The following GRID1 variants were observed in gnomAD, a reference collection of about 807,000 sequenced individuals.
GRID1 encodes glutamate receptor ionotropic, delta-1.
Under a neutral mutation model 98.0 loss-of-function variants are expected in GRID1, and 28 were observed. The ratio of observed to expected loss-of-function variants is 0.29; its 90% CI spans 0.21 to 0.39. The LOEUF is 0.39. GRID1 is among the 10% of genes least tolerant of loss of function. The pLI, the probability that GRID1 is intolerant of heterozygous loss-of-function variation, is 1.00. For synonymous variants in GRID1, 553 were observed against 538.5 expected, an observed-to-expected ratio of 1.03 and a Z score of -0.37; for missense variants, 1,111 against 1,340.5, an observed-to-expected ratio of 0.83 and a Z score of 2.67.
At chr10:86,188,823 T>C (rs1845761352) in intron 3 of GRID1, among the ~76,000 whole-genome samples, 1 of 152,120 alleles carries the variant, frequency 6.6e-6, no homozygotes, top group Non-Finnish European at 1.5e-5. Flanking sequence ...TATCTCTGCT[T>C]GATAGATGAA....
At chr10:85,754,393 T>C (rs887293156) in intron 8 of GRID1, among the ~76,000 whole-genome samples, 1 of 152,046 alleles carries the variant, frequency 6.6e-6, no homozygotes, top group African/African-American at 2.4e-5. Flanking sequence ...GGGAGAAAGA[T>C]AGAATAAAAG....
rs1022033367 is a variant in GRID1, at chr10:85,912,447, C to A, written c.780+3739G>T. On this transcript the variant is annotated intron_variant, in intron 5 of 15. Transcript: ENST00000327946. Reference sequence around the variant, plus strand: ...CTGTAATACGTAGCACCAATACTCACCAGAAAGAAAAGAGGGTAGATGTAA... The same window carrying A: ...CTGTAATACGTAGCACCAATACTCAACAGAAAGAAAAGAGGGTAGATGTAA... Among the ~76,000 whole-genome samples the A allele has an allele frequency of 2.6e-5, 4 of 152,128 alleles. No homozygotes were observed. In the East Asian group the frequency reaches 7.7e-4, roughly 29 times the overall value.
At chr10:86,218,531 A>C (rs1846208250) in intron 2 of GRID1, among the ~76,000 whole-genome samples, 1 of 152,180 alleles carries the variant, frequency 6.6e-6, no homozygotes. Flanking sequence ...CATAGCCAGC[A>C]GACTTCCCAG....
At chr10:85,910,530 C>T (rs1261535150) in intron 5 of GRID1, among the ~76,000 whole-genome samples, 1 of 152,214 alleles carries the variant, frequency 6.6e-6, no homozygotes, top group African/African-American at 2.4e-5. Flanking sequence ...TCACTGAGTA[C>T]TCGTTGGTGA....
At position 86,080,289 on chromosome 10, in the gene GRID1, G is replaced by A. The variant is rs551190809; in HGVS notation, c.726+58530C>T. 7.9e-5 allele frequency among the ~76,000 whole-genome samples: 12 copies of A among 151,240 alleles called. No individual in the cohort carries two copies. The South Asian group carries it at 1.0e-3, about 13-fold the overall frequency. On this transcript the variant is annotated intron_variant, in intron 4 of 15. Coordinates refer to ENST00000327946, the MANE Select transcript of GRID1 (RefSeq NM_017551.3). Reference sequence around the variant, plus strand: ...GCAGAGGTTGCAGTGAGCCAAGATCGTGCCACTGCACTCCAGCCTGGGCAA... The same window carrying A: ...GCAGAGGTTGCAGTGAGCCAAGATCATGCCACTGCACTCCAGCCTGGGCAA...
intron 15 of GRID1, among the ~76,000 whole-genome samples, chr10:85,610,985 C>T (rs779472681): frequency 2.0e-5 from 3 of 152,184 alleles, no homozygotes. Flanking sequence ...GGAAGTCCCA[C>T]ATTCTGGAAG....
intron 8 of GRID1, among the ~76,000 whole-genome samples, chr10:85,758,648 C>T (rs1424134013): frequency 4.6e-5 from 7 of 152,166 alleles, no homozygotes. Context: ...GCAGGTATAG[C>T]CCTGCCCAAA....
rs3812644 is a variant in GRID1 at position 85,729,561 on chromosome 10, G to C, written c.1287C>G (p.Pro429=). 46,131 of 1,612,012 alleles carry C rather than the reference G, an allele frequency of 0.029. 1,408 individuals are homozygous for C. Among genetic ancestry groups the C allele is most frequent in the African/African-American group, 0.15 (11,239 of 74,786 alleles). ...TCAATCCTTGGAGGCGGCTGCCCAT[G>C]GGCCTCTCTTGCAAGCTGCCATTCA... ...KGLNGSLQER[P]MGSRLQGLTL... The change falls in exon 9 of 16, where the codon CCC becomes CCG. Residue 429 remains proline (P), a synonymous_variant. Coordinates refer to ENST00000327946, the MANE Select transcript of GRID1 (RefSeq NM_017551.3).
intron 4 of GRID1, among the ~76,000 whole-genome samples, chr10:86,004,423 G>GT (rs1428271065): frequency 2.6e-5 from 4 of 152,188 alleles, no homozygotes; most frequent in African/African-American, 9.7e-5. Flanking sequence ...CATTCTGGCT[G>GT]TTTCTGTGAG....
intron 4 of GRID1, among the ~76,000 whole-genome samples, chr10:85,992,954 T>TA (rs1010469004): frequency 1.3e-5 from 2 of 152,018 alleles, no homozygotes; most frequent in African/African-American, 2.4e-5. Context: ...ACCCTGTCTC[T>TA]AAAAAATAAC....
At chr10:85,634,998 GAAAAAAAAAAAAAAAAAAA>G (rs140144576) in intron 13 of GRID1, among the ~76,000 whole-genome samples, 440 of 34,998 alleles carry the variant, frequency 0.013, 7 homozygotes, top group African/African-American at 0.03. Flanking sequence ...GAGGAAATCT[GAAAAAAAAAAAAAAAAAAA>G]AAAAAAAAAA....
intron 2 of GRID1, among the ~76,000 whole-genome samples, chr10:86,252,905 A>G (rs1393398490): frequency 1.3e-5 from 2 of 152,238 alleles, no homozygotes; most frequent in African/African-American, 4.8e-5. Flanking sequence ...CACATCTTTC[A>G]TCCAGAAAAT....
chr10:86,325,552 A>C (rs1848036998), intron 2 of GRID1, among the ~76,000 whole-genome samples: 1 of 152,252 alleles, frequency 6.6e-6, no homozygotes, highest in Admixed American at 6.5e-5. Flanking sequence ...GCATTAATGA[A>C]GTCCAATGCA....
chr10:85,638,585 T>C (rs1000867348), intron 13 of GRID1, among the ~76,000 whole-genome samples: 2 of 152,174 alleles, frequency 1.3e-5, no homozygotes, highest in African/African-American at 2.4e-5. Flanking sequence ...ATGTAGTCAA[T>C]TGATTAAATA....
At chr10:86,287,037 G>A (rs907456228) in intron 2 of GRID1, among the ~76,000 whole-genome samples, 8 of 152,186 alleles carry the variant, frequency 5.3e-5, no homozygotes, top group African/African-American at 1.4e-4. Context: ...AGGCAGTTCC[G>A]TAGGGACTTG....
chr10:86,013,187 T>C (rs1842940814), intron 4 of GRID1, among the ~76,000 whole-genome samples: 1 of 152,204 alleles, frequency 6.6e-6, no homozygotes, highest in Admixed American at 6.5e-5. Context: ...TAAGATAAAC[T>C]TCCCGATTGA....
At chr10:85,954,045 A>T (rs977299606) in intron 4 of GRID1, among the ~76,000 whole-genome samples, 5 of 152,184 alleles carry the variant, frequency 3.3e-5, no homozygotes, top group African/African-American at 1.2e-4. Flanking sequence ...GCACTTCATA[A>T]TCAAGTCAAA....
At chr10:86,231,596 G>A (rs559892118) in intron 2 of GRID1, among the ~76,000 whole-genome samples, 3 of 152,270 alleles carry the variant, frequency 2.0e-5, no homozygotes, top group African/African-American at 7.2e-5. Flanking sequence ...CACAGTCGGG[G>A]TCATGTTATC....
intron 12 of GRID1, chr10:85,647,634 C>A: frequency 2.1e-6 from 1 of 485,582 alleles, no homozygotes; most frequent in Non-Finnish European, 3.7e-6. Flanking sequence ...TGACTGGGCA[C>A]CTAAAACCAG....
Sources: gnomAD v4.1 joint callset for allele counts (sites outside exome capture counted in the v4.1 genomes callset) on GRCh38, gnomAD v4.1.1 for gene constraint, MANE v1.5 for transcripts, NCBI Gene and HGNC (gene_info 2026-07-23, HGNC 2026-07-21) for gene names.